NRBP2: variants seen among roughly 807,000 people sequenced by gnomAD.
NRBP2 encodes nuclear receptor-binding protein 2.
In NRBP2, 47 loss-of-function variants were observed where a neutral mutation model predicts 74.4. The ratio of observed to expected loss-of-function variants is 0.63; its 90% CI spans 0.50 to 0.81. The LOEUF is 0.81. NRBP2 is among the 30% of genes least tolerant of loss of function. The pLI is 0.00. For missense variants in NRBP2, 613 were observed against 690.1 expected, an observed-to-expected ratio of 0.89 and a Z score of 1.25; for synonymous variants, 312 against 273.8, an observed-to-expected ratio of 1.14 and a Z score of -1.38.
chr8:143,835,608 C>T lies in NRBP2; in HGVS notation c.*54G>A. On this transcript the variant is annotated 3_prime_UTR_variant, in exon 18 of 18. Transcript: ENST00000442628. The surrounding 1 kb of genome is among the most constrained non-coding windows in gnomAD (Gnocchi z 4.9). ...CCCCACGGTGCTGGAGTCTCCCCAA[C>T]ATGGCCTGCCCAGGCAGCACCCCGG... is the stretch of plus-strand genomic sequence containing the variant. 6.8e-7 allele frequency: 1 copy of T among 1,461,228 alleles called. No homozygotes were observed. Among genetic ancestry groups the T allele is most frequent in the Non-Finnish European group, 9.2e-7 (1 of 1,083,192 alleles). 90.5% of individuals were successfully genotyped at this position (1,461,228 alleles called of 1,614,324 possible).
rs781971405 is a variant in NRBP2, at chr8:143,839,443, C to G, written c.486-35G>C. On this transcript the variant is annotated intron_variant, in intron 5 of 17. Transcript: ENST00000442628. The surrounding 1 kb of genome is among the most constrained non-coding windows in gnomAD (Gnocchi z 5.1). ...TTGGGGAGGGGAGAGTAGGAGGAGCCGGTCAGGAGGCTCTGGAGAGATGGG... is the reference window on the plus strand; with the variant it reads ...TTGGGGAGGGGAGAGTAGGAGGAGCGGGTCAGGAGGCTCTGGAGAGATGGG... 3 of 1,536,954 alleles carry G rather than the reference C, an allele frequency of 2.0e-6. No homozygotes were observed. The highest frequency in any genetic ancestry group is 2.6e-6 in the Non-Finnish European group (3 of 1,147,500).
At position 143,839,128 on chromosome 8, in the gene NRBP2, C is replaced by T. The variant is rs568513678; in HGVS notation, c.605-28G>A. On this transcript the variant is annotated intron_variant, in intron 7 of 17. Coordinates refer to ENST00000442628, the MANE Select transcript of NRBP2 (RefSeq NM_178564.4). This position sits in a 1 kb window ranked among gnomAD's most constrained non-coding sequence, Gnocchi z 5.1. ...GTGGGAGGGCGCAGAGCTGAGCGGGCGGGGACCTCTCCAGGACCCCGTCCC... is the reference window on the plus strand; with the variant it reads ...GTGGGAGGGCGCAGAGCTGAGCGGGTGGGGACCTCTCCAGGACCCCGTCCC... The T allele has an allele frequency of 1.2e-5, 18 of 1,511,428 alleles. No individual in the cohort carries two copies. The highest frequency in any genetic ancestry group is 1.7e-4 in the Middle Eastern group (1 of 5,870). 93.6% of individuals were successfully genotyped at this position (1,511,428 alleles called of 1,614,324 possible).
chr8:143,831,519 G>A (rs1415506229), downstream of NRBP2, among the ~76,000 whole-genome samples: 1 of 151,696 alleles, frequency 6.6e-6, no homozygotes, highest in Non-Finnish European at 1.5e-5. Flanking sequence ...TACTAGAGAG[G>A]CTAAGGTGGG....
rs1554650842 is a variant in NRBP2, at chr8:143,834,007, T to C, written c.*1655A>G. ...GCGTTAGTAAGTCTTGCTTTGGTTT[T>C]TGGCTTTTGGTTGGAGTGCTGTGGT... On this transcript the variant is annotated 3_prime_UTR_variant, in exon 18 of 18. Coordinates refer to ENST00000442628, the MANE Select transcript of NRBP2 (RefSeq NM_178564.4). 1.3e-5 allele frequency: 2 copies of C among 152,252 alleles called. No individual in the cohort carries two copies. The highest frequency in any genetic ancestry group is 2.9e-5 in the Non-Finnish European group (2 of 68,036). 9.4% of individuals were successfully genotyped at this position (152,252 alleles called of 1,614,324 possible).
Position 143,839,665 on chromosome 8 carries a change from C to T in NRBP2, c.444+71G>A. On this transcript the variant is annotated intron_variant, in intron 4 of 17. Coordinates refer to ENST00000442628, the MANE Select transcript of NRBP2 (RefSeq NM_178564.4). This position sits in a 1 kb window ranked among gnomAD's most constrained non-coding sequence, Gnocchi z 5.1. Reference sequence around the variant, plus strand: ...TGTCCGAGGCCGCCGGGCACCCCCTCACCATCCCAGTCCCCGAGGCTGCCC... The same window carrying T: ...TGTCCGAGGCCGCCGGGCACCCCCTTACCATCCCAGTCCCCGAGGCTGCCC... The T allele has an allele frequency of 6.6e-7, 1 of 1,525,592 alleles. No individual in the cohort carries two copies. Among genetic ancestry groups the T allele is most frequent in the Non-Finnish European group, 8.8e-7 (1 of 1,140,848 alleles). The allele number at this position is 1,525,592 out of a possible 1,614,324, so 94.5% of individuals were successfully genotyped here.
At chr8:143,838,473 G>A (rs1353051743) in intron 10 of NRBP2, among the ~76,000 whole-genome samples, 1 of 152,228 alleles carries the variant, frequency 6.6e-6, no homozygotes, top group Non-Finnish European at 1.5e-5. Flanking sequence ...TTGCCTTCTT[G>A]TCCTTAGAAT....
chr8:143,830,263 G>A (rs972473745), downstream of NRBP2, among the ~76,000 whole-genome samples: 5 of 152,264 alleles, frequency 3.3e-5, no homozygotes, highest in Admixed American at 2.6e-4. Flanking sequence ...AAGAAAGGTG[G>A]ACAGCGAGAG....
chr8:143,836,690 G>A (rs1398424115), intron 14 of NRBP2, among the ~76,000 whole-genome samples: 5 of 142,280 alleles, frequency 3.5e-5, no homozygotes, highest in Non-Finnish European at 7.7e-5. Flanking sequence ...GGTGGGGGAT[G>A]GGAGGGGTGG....
In NRBP2 at chr8:143,840,481, C is replaced by G; in HGVS notation, c.129+225G>C. On this transcript the variant is annotated intron_variant, in intron 1 of 17. Coordinates refer to ENST00000442628, the MANE Select transcript of NRBP2 (RefSeq NM_178564.4). This position sits in a 1 kb window ranked among gnomAD's most constrained non-coding sequence, Gnocchi z 5.7. ...TCCCCAGGAAGCTAGCGGCTGAGTC[C>G]AGAGGCATGGGGAGGTGGTCCTGGG... 1.5e-6 allele frequency: 1 copy of G among 664,614 alleles called. No homozygotes were observed. The highest frequency in any genetic ancestry group is 2.8e-5 in the East Asian group (1 of 36,164). The allele number at this position is 664,614 out of a possible 1,614,324, so 41.2% of individuals were successfully genotyped here. A position where few individuals can be genotyped will look rare whatever the true frequency, so the allele number is the denominator to read the frequency against.
chr8:143,840,695 C>T lies in NRBP2; in HGVS notation c.129+11G>A. 2.7e-6 allele frequency: 4 copies of T among 1,477,842 alleles called. No individual in the cohort carries two copies. Among genetic ancestry groups the T allele is most frequent in the Non-Finnish European group, 3.6e-6 (4 of 1,116,230 alleles). The allele number at this position is 1,477,842 out of a possible 1,614,324, so 91.5% of individuals were successfully genotyped here. ...GGCGGTGTCACCCCGTGCCCCAACCCCCGCGCCCACCTGCTCCCGTCGCTT... is the reference window on the plus strand; with the variant it reads ...GGCGGTGTCACCCCGTGCCCCAACCTCCGCGCCCACCTGCTCCCGTCGCTT... On this transcript the variant is annotated intron_variant, in intron 1 of 17. Coordinates refer to ENST00000442628, the MANE Select transcript of NRBP2 (RefSeq NM_178564.4). The surrounding 1 kb of genome is among the most constrained non-coding windows in gnomAD (Gnocchi z 5.7).
Position 143,835,774 on chromosome 8 carries a change from C to A in NRBP2, c.1438-44G>T. 1 of 1,601,626 alleles carries A rather than the reference C, an allele frequency of 6.2e-7. No homozygotes were observed. On this transcript the variant is annotated intron_variant, in intron 17 of 17. Coordinates refer to ENST00000442628, the MANE Select transcript of NRBP2 (RefSeq NM_178564.4). The surrounding 1 kb of genome is among the most constrained non-coding windows in gnomAD (Gnocchi z 4.9). ...ATGGGGGACGGAGGGGCGCGGCCTG[C>A]CCCGTGCGCCCCCTCCGCCAGGCCG...
At chr8:143,838,570 A>G (rs782070688) in intron 10 of NRBP2, 110 bp downstream of exon 10, 5 of 771,994 alleles carry the variant, frequency 6.5e-6, no homozygotes, top group Non-Finnish European at 1.1e-5. Flanking sequence ...CAGCTGGTAT[A>G]CCCCTCAACT....
rs1554653260 is a variant in NRBP2 at position 143,839,913 on chromosome 8, C to T, written c.354+16G>A. The stretch of plus-strand genomic sequence containing the variant: ...AGCTGTGGTCTCTGCCTGCCCGGGG[C>T]CTTGCCCGTGCTCACCCTCGCGCAG... On this transcript the variant is annotated intron_variant, in intron 3 of 17. Transcript: ENST00000442628. The surrounding 1 kb of genome is among the most constrained non-coding windows in gnomAD (Gnocchi z 5.1). 1.3e-6 allele frequency: 2 copies of T among 1,535,664 alleles called. No individual in the cohort carries two copies. The highest frequency in any genetic ancestry group is 2.4e-5 in the East Asian group (1 of 40,930).
downstream of NRBP2, among the ~76,000 whole-genome samples, chr8:143,832,130 G>A (rs558660784): frequency 1.2e-4 from 19 of 152,216 alleles, no homozygotes; most frequent in African/African-American, 4.1e-4. Context: ...CCCCAACCCC[G>A]TGCTCTCTGA....
At chr8:143,836,297 C>A in intron 14 of NRBP2, 117 bp from the exon 15 acceptor site, 2 of 1,356,550 alleles carry the variant, frequency 1.5e-6, no homozygotes, top group Non-Finnish European at 1.9e-6. Context: ...TAAGAGGAGC[C>A]CATCTCACTG....
chr8:143,837,137 G>A lies in NRBP2; in HGVS notation c.1165C>T (p.Arg389Ter), dbSNP rs1554652036. Residue 389 changes from arginine to a stop codon, truncating the protein, a stop_gained, in exon 14 of 18, where the codon CGA (arginine) becomes TGA (stop). Coordinates refer to ENST00000442628, the MANE Select transcript of NRBP2 (RefSeq NM_178564.4). LOFTEE classifies it high-confidence loss of function. This position sits in a 1 kb window ranked among gnomAD's most constrained non-coding sequence, Gnocchi z 4.3. ...IYPLMNFAAT[R>*]PLGLPRVLAP... ...AGCACACGGGGCAGCCCCAGGGGTC[G>A]AGTGGCTGCAAAGTTCATCAGTGGG... The A allele has an allele frequency of 5.0e-6, 8 of 1,612,144 alleles. No individual in the cohort carries two copies. The highest frequency in any genetic ancestry group is 1.3e-5 in the African/African-American group (1 of 74,856).
chr8:143,832,051 G>A (rs1443447647), downstream of NRBP2, among the ~76,000 whole-genome samples: 1 of 152,232 alleles, frequency 6.6e-6, no homozygotes, highest in Non-Finnish European at 1.5e-5. Context: ...GTAGACATAG[G>A]AGACTCCATT....
Position 143,834,779 on chromosome 8 carries a change from A to G in NRBP2, c.*883T>C, listed in dbSNP as rs1425643651. On this transcript the variant is annotated 3_prime_UTR_variant, in exon 18 of 18. Coordinates refer to ENST00000442628, the MANE Select transcript of NRBP2 (RefSeq NM_178564.4). ...GAGGGCATAGAAATCTCTAAGACTG[A>G]GCCAGGAGTGGAGTGGGAGAGAGGC... 6.6e-6 allele frequency: 1 copy of G among 152,438 alleles called. No homozygotes were observed. Among genetic ancestry groups the G allele is most frequent in the African/African-American group, 2.4e-5 (1 of 41,446 alleles). 9.4% of individuals were successfully genotyped at this position (152,438 alleles called of 1,614,324 possible). A position where few individuals can be genotyped will look rare whatever the true frequency, so the allele number is the denominator to read the frequency against.
chr8:143,835,932 C>G lies in NRBP2; in HGVS notation c.1381+35G>C. 6.3e-7 allele frequency: 1 copy of G among 1,590,192 alleles called. No homozygotes were observed. Among genetic ancestry groups the G allele is most frequent in the Non-Finnish European group, 8.5e-7 (1 of 1,173,008 alleles). ...CCGCTGCCCACCCGCCGCCTGGGGTCACCGCCCGCCGCCCAAGTCCCCTGC... is the reference window on the plus strand; with the variant it reads ...CCGCTGCCCACCCGCCGCCTGGGGTGACCGCCCGCCGCCCAAGTCCCCTGC... On this transcript the variant is annotated intron_variant, in intron 16 of 17. Coordinates refer to ENST00000442628, the MANE Select transcript of NRBP2 (RefSeq NM_178564.4). This position sits in a 1 kb window ranked among gnomAD's most constrained non-coding sequence, Gnocchi z 4.9.
Sources: gnomAD v4.1 joint callset for allele counts (sites outside exome capture counted in the v4.1 genomes callset) on GRCh38, gnomAD v4.1.1 for gene constraint, Gnocchi (gnomAD v3.1) non-coding constraint, MANE v1.5 for transcripts, NCBI Gene and HGNC (gene_info 2026-07-23, HGNC 2026-07-21) for gene names.